PRKD1: variants seen among roughly 807,000 people sequenced by gnomAD.
PRKD1 encodes protein kinase D1, also known as serine/threonine-protein kinase D1.
Under a neutral mutation model 95.9 loss-of-function variants are expected in PRKD1, and 63 were observed. The observed-to-expected ratio is 0.66, with a 90% CI of 0.54 to 0.81. The LOEUF (loss-of-function observed/expected upper bound fraction) is 0.81, where lower values mean the gene tolerates loss of function less well. PRKD1 is among the 30% of genes least tolerant of loss of function. The pLI, the probability that PRKD1 is intolerant of heterozygous loss-of-function variation, is 0.00. For missense variants in PRKD1, 1,048 were observed against 1,165.3 expected, an observed-to-expected ratio of 0.90 and a Z score of 1.47; for synonymous variants, 425 against 423.1, an observed-to-expected ratio of 1.00 and a Z score of -0.05.
chr14:29,688,624 G>T (rs912372959), intron 2 of PRKD1, among the ~76,000 whole-genome samples: 3 of 152,080 alleles, frequency 2.0e-5, no homozygotes, highest in Non-Finnish European at 4.4e-5. Flanking sequence ...ATTAAGTCAA[G>T]ATGGATTAAA....
chr14:29,792,039 G>T (rs977515970), intron 1 of PRKD1, among the ~76,000 whole-genome samples: 4 of 151,966 alleles, frequency 2.6e-5, no homozygotes, highest in Non-Finnish European at 5.9e-5. Context: ...TATTTTTCAG[G>T]TGTACTTAAT....
chr14:29,824,975 T>A (rs1891053109), intron 1 of PRKD1, among the ~76,000 whole-genome samples: 1 of 152,150 alleles, frequency 6.6e-6, no homozygotes, highest in African/African-American at 2.4e-5. Flanking sequence ...CAGATAATTA[T>A]CACCTCAATA....
chr14:29,840,058 T>A (rs1430915729), intron 1 of PRKD1, among the ~76,000 whole-genome samples: 1 of 152,096 alleles, frequency 6.6e-6, no homozygotes, highest in African/African-American at 2.4e-5. Context: ...ACCTTGAATT[T>A]CTCCTCAGAA....
intron 1 of PRKD1, among the ~76,000 whole-genome samples, chr14:29,850,922 T>C (rs993374413): frequency 2.1e-5 from 3 of 145,960 alleles, no homozygotes; most frequent in East Asian, 2.0e-4. Flanking sequence ...TGGGACAGAA[T>C]AGAGGACCCA....
intron 1 of PRKD1, among the ~76,000 whole-genome samples, chr14:29,879,434 A>G (rs1207217319): frequency 6.6e-6 from 1 of 152,168 alleles, no homozygotes; most frequent in African/African-American, 2.4e-5. Flanking sequence ...ACCACGTAAG[A>G]AGTACCTTTC....
intron 1 of PRKD1, among the ~76,000 whole-genome samples, chr14:29,773,746 G>A (rs1343153400): frequency 6.6e-6 from 1 of 152,024 alleles, no homozygotes; most frequent in Admixed American, 6.6e-5. Flanking sequence ...CCTATTTTGA[G>A]AGAATTAAAT....
At position 29,577,093 on chromosome 14, in the gene PRKD1, C is replaced by T. The variant is rs565957308; in HGVS notation, c.*145G>A. 1.8e-5 allele frequency: 15 copies of T among 845,224 alleles called. No individual in the cohort carries two copies. In the African/African-American group the frequency reaches 2.6e-4, roughly 14 times the overall value. The allele number at this position is 845,224 out of a possible 1,614,324, so 52.4% of individuals were successfully genotyped here. On this transcript the variant is annotated 3_prime_UTR_variant, in exon 18 of 18. Coordinates refer to ENST00000331968, the MANE Select transcript of PRKD1 (RefSeq NM_002742.3). ...TGCTTCTGTTGATTTGTCTTGGCAA[C>T]TCAGATACATCAACAGTGCTAACAG...
At chr14:29,748,164 G>A (rs1266802876) in intron 1 of PRKD1, among the ~76,000 whole-genome samples, 2 of 152,080 alleles carry the variant, frequency 1.3e-5, no homozygotes, top group Admixed American at 1.3e-4. Context: ...TTTCCCAATA[G>A]AAAATATTCT....
At chr14:29,653,744 T>TA (rs985065973) in intron 4 of PRKD1, among the ~76,000 whole-genome samples, 1 of 152,058 alleles carries the variant, frequency 6.6e-6, no homozygotes, top group Admixed American at 6.5e-5. Flanking sequence ...GGAAAAGACA[T>TA]AAAAAACATA....
chr14:29,657,225 C>T (rs1257471861), intron 4 of PRKD1, among the ~76,000 whole-genome samples: 2 of 152,164 alleles, frequency 1.3e-5, no homozygotes, highest in Admixed American at 1.3e-4. Flanking sequence ...TATGACAGAG[C>T]TTAATTAAGT....
chr14:29,623,686 C>T (rs990437946), intron 13 of PRKD1, among the ~76,000 whole-genome samples: 1 of 152,092 alleles, frequency 6.6e-6, no homozygotes, highest in Non-Finnish European at 1.5e-5. Flanking sequence ...TGCCCGATGT[C>T]AAATGAAAGG....
chr14:29,804,526 A>G (rs985539302), intron 1 of PRKD1, among the ~76,000 whole-genome samples: 9 of 151,798 alleles, frequency 5.9e-5, no homozygotes, highest in African/African-American at 2.2e-4. Flanking sequence ...CAAGTAATTC[A>G]CCAGTAGTAC....
intron 16 of PRKD1, among the ~76,000 whole-genome samples, chr14:29,595,749 T>G (rs1178928252): frequency 6.6e-6 from 1 of 152,220 alleles, no homozygotes; most frequent in African/African-American, 2.4e-5. Context: ...ACATGAAGGT[T>G]GTTTCCCCAC....
chr14:29,837,573 A>T (rs1364681421), intron 1 of PRKD1, among the ~76,000 whole-genome samples: 1 of 152,216 alleles, frequency 6.6e-6, no homozygotes, highest in Non-Finnish European at 1.5e-5. Context: ...AGCATTAAAG[A>T]TTTATATTAA....
chr14:29,640,116 G>A (rs902447442), intron 4 of PRKD1, among the ~76,000 whole-genome samples: 8 of 152,066 alleles, frequency 5.3e-5, no homozygotes, highest in Admixed American at 5.2e-4. Context: ...TGTATTAGGT[G>A]CCTTAAAAGA....
chr14:29,737,875 C>G (rs1235592406), intron 1 of PRKD1, among the ~76,000 whole-genome samples: 1 of 152,160 alleles, frequency 6.6e-6, no homozygotes, highest in African/African-American at 2.4e-5. Context: ...CCTTTTTAAT[C>G]ACCCTTACAA....
chr14:29,615,382 T>C lies in PRKD1; in HGVS notation c.1905+8770A>G, dbSNP rs1441819243. Among the ~76,000 whole-genome samples, 4 of 152,216 alleles carry C rather than the reference T, an allele frequency of 2.6e-5. No individual in the cohort carries two copies. In the South Asian group the frequency reaches 8.3e-4, roughly 32 times the overall value. ...ACAAGGAGGTACAAAGCTTCAGAAT[T>C]CTTTTTGAGTTCAAATGAAGAAAAA... On this transcript the variant is annotated intron_variant, in intron 13 of 17. Coordinates refer to ENST00000331968, the MANE Select transcript of PRKD1 (RefSeq NM_002742.3).
chr14:29,907,524 T>A (rs1201518920), intron 1 of PRKD1, among the ~76,000 whole-genome samples: 1 of 152,208 alleles, frequency 6.6e-6, no homozygotes, highest in East Asian at 1.9e-4. Flanking sequence ...CCTGGTCGTG[T>A]GGTGTTTATA....
intron 2 of PRKD1, among the ~76,000 whole-genome samples, chr14:29,688,122 A>C (rs1419030376): frequency 6.6e-6 from 1 of 152,050 alleles, no homozygotes; most frequent in Non-Finnish European, 1.5e-5. Flanking sequence ...CAGCTTTTGC[A>C]TTTCTTGGCT....
Sources: gnomAD v4.1 joint callset for allele counts (sites outside exome capture counted in the v4.1 genomes callset) on GRCh38, gnomAD v4.1.1 for gene constraint, MANE v1.5 for transcripts, NCBI Gene and HGNC (gene_info 2026-07-23, HGNC 2026-07-21) for gene names.